The following LARGE1 variants were observed in gnomAD, a reference collection of about 807,000 sequenced individuals.
LARGE1 encodes the protein LARGE xylosyl- and glucuronyltransferase 1.
Under a neutral mutation model 87.6 loss-of-function variants are expected in LARGE1, and 43 were observed. The observed-to-expected ratio is 0.49, with a 90% confidence interval of 0.38 to 0.63. LARGE1 has a LOEUF of 0.63. Among genes scored for constraint, LARGE1 ranks in the 30% least tolerant of loss-of-function variants. The pLI, the probability that LARGE1 is intolerant of heterozygous loss-of-function variation, is 0.00. For synonymous variants in LARGE1, 434 were observed against 394.6 expected, an observed-to-expected ratio of 1.10 and a Z score of -1.18; for missense variants, 802 against 1,000.2, an observed-to-expected ratio of 0.80 and a Z score of 2.67.
At position 33,907,756 on chromosome 22, in the gene LARGE1, G is replaced by A. The variant is rs149091607; in HGVS notation, c.-83+12239C>T. On this transcript the variant is annotated intron_variant, in intron 1 of 14. Transcript: ENST00000397394. Reference sequence around the variant, plus strand: ...ACTACAGGCGCCCGCCACCACGCCCGGCTAATTTTTTTTTGTATTTTTAGT... The same window carrying A: ...ACTACAGGCGCCCGCCACCACGCCCAGCTAATTTTTTTTTGTATTTTTAGT... Among the ~76,000 whole-genome samples the A allele has an allele frequency of 8.8e-3, 1,341 of 152,114 alleles. 35 individuals carry two copies. The highest frequency in any genetic ancestry group is 0.031 in the African/African-American group (1,273 of 41,478).
rs571648942 is a variant in LARGE1 at position 33,829,781 on chromosome 22, C to T, written c.-82-68223G>A. Among the ~76,000 whole-genome samples, 11 of 152,180 alleles carry T rather than the reference C, an allele frequency of 7.2e-5. No homozygotes were observed. In the East Asian group the frequency reaches 2.1e-3, roughly 29 times the overall value. ...CCCCTCCTGGGTGCTAACAGCATTG[C>T]CATTCAAGATAATGAAGATTAAAAC... On this transcript the variant is annotated intron_variant, in intron 1 of 14. Coordinates refer to ENST00000397394, the MANE Select transcript of LARGE1 (RefSeq NM_133642.5).
At chr22:33,269,313 C>T (rs114191852), downstream of LARGE1, among the ~76,000 whole-genome samples, 1,777 of 152,210 alleles carry the variant, frequency 0.012, 32 homozygotes, top group African/African-American at 0.038. Context: ...AAACTAAAAC[C>T]GTTTCTGTGA....
intron 9 of LARGE1, among the ~76,000 whole-genome samples, chr22:33,343,314 C>T (rs987798446): frequency 2.6e-5 from 4 of 152,058 alleles, no homozygotes; most frequent in Admixed American, 6.6e-5. Context: ...GAGCTTAGGT[C>T]TCACTATGTT....
At chr22:33,814,581 T>A (rs2086594803) in intron 1 of LARGE1, among the ~76,000 whole-genome samples, 1 of 152,078 alleles carries the variant, frequency 6.6e-6, no homozygotes, top group Non-Finnish European at 1.5e-5. Context: ...AAAAACTGAG[T>A]TTTCCTGGAA....
At chr22:33,763,652 GT>G (rs996239525) in intron 1 of LARGE1, among the ~76,000 whole-genome samples, 2 of 152,102 alleles carry the variant, frequency 1.3e-5, no homozygotes, top group Non-Finnish European at 2.9e-5. Context: ...CCTTGACCAA[GT>G]CCCCTGTCTC....
intron 1 of LARGE1, among the ~76,000 whole-genome samples, chr22:33,827,737 A>C (rs1281120590): frequency 6.6e-6 from 1 of 152,200 alleles, no homozygotes; most frequent in Non-Finnish European, 1.5e-5. Flanking sequence ...CTGGGAAGGA[A>C]GCTACTTCCA....
chr22:33,674,687 A>G (rs4821171), intron 2 of LARGE1, among the ~76,000 whole-genome samples: 78,424 of 151,868 alleles, frequency 0.52, 20,663 homozygotes, highest in African/African-American at 0.62. Context: ...CTCTGTCTAC[A>G]CACTCCCATT....
chr22:33,328,720 C>T lies in LARGE1; in HGVS notation c.1287+8926G>A, dbSNP rs139733985. On this transcript the variant is annotated intron_variant, in intron 10 of 14. Transcript: ENST00000397394. ...ACAACTAGGAGAATTGTGGAATAAC[C>T]TGGATATATGTAATAATGTAACTTA... Among the ~76,000 whole-genome samples, 61 of 151,916 alleles carry T rather than the reference C, an allele frequency of 4.0e-4. No homozygotes were observed. In the East Asian group the frequency reaches 0.01, roughly 26 times the overall value.
chr22:33,112,405 A>T, the LARGE1 span, among the ~76,000 whole-genome samples: 1 of 152,230 alleles, frequency 6.6e-6, no homozygotes, highest in East Asian at 1.9e-4. Flanking sequence ...AAACGAGAGA[A>T]TGCATATACA....
At chr22:33,551,871 G>T (rs1259985472) in intron 6 of LARGE1, among the ~76,000 whole-genome samples, 2 of 151,874 alleles carry the variant, frequency 1.3e-5, no homozygotes, top group Non-Finnish European at 2.9e-5. Context: ...ATGGGCGCCT[G>T]TAGTCCCAGC....
chr22:33,080,553 G>A, the LARGE1 span, among the ~76,000 whole-genome samples: 1 of 152,196 alleles, frequency 6.6e-6, no homozygotes, highest in South Asian at 2.1e-4. Context: ...GCTCACATTT[G>A]ATATCCAGAC....
At chr22:33,636,556 C>A (rs2080272822) in intron 3 of LARGE1, among the ~76,000 whole-genome samples, 1 of 152,158 alleles carries the variant, frequency 6.6e-6, no homozygotes, top group Non-Finnish European at 1.5e-5. Context: ...ATTTCAGGGT[C>A]TTGCTCCGTC....
At position 33,855,734 on chromosome 22, in the gene LARGE1, G is replaced by A. The variant is rs117365000; in HGVS notation, c.-83+64261C>T. Among the ~76,000 whole-genome samples the A allele has an allele frequency of 5.2e-3, 785 of 152,146 alleles. 9 individuals are homozygous for A. The highest frequency in any genetic ancestry group is 0.018 in the African/African-American group (738 of 41,490). ...AGTGGAGCAAATGAAACTCAGAGTG[G>A]GGGGGTTCCTTACTTTTTCATCATC... On this transcript the variant is annotated intron_variant, in intron 1 of 14. Coordinates refer to ENST00000397394, the MANE Select transcript of LARGE1 (RefSeq NM_133642.5).
chr22:33,826,246 T>C (rs938945645), intron 1 of LARGE1, among the ~76,000 whole-genome samples: 5 of 152,006 alleles, frequency 3.3e-5, no homozygotes, highest in African/African-American at 1.2e-4. Context: ...CAGCTTCTGA[T>C]AAGTGCCAGC....
At chr22:33,538,609 G>A (rs888274443) in intron 6 of LARGE1, among the ~76,000 whole-genome samples, 3 of 152,072 alleles carry the variant, frequency 2.0e-5, no homozygotes, top group Non-Finnish European at 4.4e-5. Flanking sequence ...TAGATGCTTG[G>A]AATACAGAGA....
intron 1 of LARGE1, among the ~76,000 whole-genome samples, chr22:33,914,261 AC>A (rs1307555408): frequency 6.6e-6 from 1 of 152,074 alleles, no homozygotes; most frequent in Non-Finnish European, 1.5e-5. Context: ...TTGTGTATCT[AC>A]CCAATTGCTC....
intron 1 of LARGE1, among the ~76,000 whole-genome samples, chr22:33,783,944 C>T (rs1389938116): frequency 6.6e-6 from 1 of 152,146 alleles, no homozygotes; most frequent in Admixed American, 6.5e-5. Flanking sequence ...TTAAAAGGAG[C>T]TTCCAAGTTG....
intron 2 of LARGE1, among the ~76,000 whole-genome samples, chr22:33,719,832 A>G (rs2083039950): frequency 6.6e-6 from 1 of 151,920 alleles, no homozygotes; most frequent in Non-Finnish European, 1.5e-5. Flanking sequence ...TCTATACCAT[A>G]TTTTTACTGT....
rs367555572 is a variant in LARGE1, at chr22:33,466,492, G to GA, written c.788-34228dup. On this transcript the variant is annotated intron_variant, in intron 6 of 14. Transcript: ENST00000397394. ...AGTGCTCAATAAATATTTGTTGAAG[G>GA]AAAAAAAAAAGGAAGGCTGCATTAA... Among the ~76,000 whole-genome samples, 71 of 145,070 alleles carry GA rather than the reference G, an allele frequency of 4.9e-4. No homozygotes were observed. In the East Asian group the frequency reaches 7.3e-3, roughly 15 times the overall value.
Sources: gnomAD v4.1 joint callset for allele counts (sites outside exome capture counted in the v4.1 genomes callset) on GRCh38, gnomAD v4.1.1 for gene constraint, MANE v1.5 for transcripts, NCBI Gene and HGNC (gene_info 2026-07-23, HGNC 2026-07-21) for gene names.